VPS13B: variants seen among roughly 807,000 people sequenced by gnomAD.
VPS13B encodes the protein intermembrane lipid transfer protein VPS13B.
A neutral mutation model predicts 426.4 loss-of-function variants in VPS13B; 285 were observed. That is an observed-to-expected ratio of 0.67 (90% confidence interval 0.61 to 0.74). The LOEUF (loss-of-function observed/expected upper bound fraction) is 0.74. Ranked by LOEUF, VPS13B falls within the 30% of genes least tolerant of loss-of-function variation. The pLI, the probability that VPS13B is intolerant of heterozygous loss-of-function variation, is 0.00. For missense variants in VPS13B, 4,537 were observed against 4,782.6 expected (o/e 0.95, Z 1.51); for synonymous variants, 1,676 against 1,676.4 (o/e 1.00, Z 0.01).
intron 39 of VPS13B, among the ~76,000 whole-genome samples, chr8:99,750,444 T>G (rs573874668): frequency 9.8e-4 from 149 of 152,202 alleles, no homozygotes; most frequent in South Asian, 4.1e-3. Flanking sequence ...ATCTTTGATC[T>G]CCAGTGCCTA....
At chr8:99,511,737 A>C (rs1182800565) in intron 29 of VPS13B, among the ~76,000 whole-genome samples, 1 of 152,230 alleles carries the variant, frequency 6.6e-6, no homozygotes, top group Admixed American at 6.5e-5. Flanking sequence ...AAATTGAGGA[A>C]ATTTTTTCTT....
Position 99,756,899 on chromosome 8 carries a change from A to G in VPS13B, c.7051-9875A>G, listed in dbSNP as rs563796363. 3.5e-3 allele frequency among the ~76,000 whole-genome samples: 539 copies of G among 152,338 alleles called. 2 individuals carry two copies. Among genetic ancestry groups the G allele is most frequent in the Non-Finnish European group, 6.1e-3 (413 of 68,038 alleles). ...ATTATTAAAGAGCATAGGATTTACA[A>G]CCAGAAAGTTTGCCACTTACTAAAT... On this transcript the variant is annotated intron_variant, in intron 39 of 61. Transcript: ENST00000357162.
At chr8:99,852,609 T>A (rs1424402427) in intron 55 of VPS13B, among the ~76,000 whole-genome samples, 1 of 152,120 alleles carries the variant, frequency 6.6e-6, no homozygotes, top group Non-Finnish European at 1.5e-5. Context: ...AGTCCATCAT[T>A]TGATGTAGCC....
In VPS13B at chr8:99,087,349, G is replaced by A. The variant is rs185047613; in HGVS notation, c.292-8963G>A. Reference sequence around the variant, plus strand: ...GGAGTGACCTGATTTTCCAGGTGCCGTCTGTCACCCCTTTCTTTGACTAGG... The same window carrying A: ...GGAGTGACCTGATTTTCCAGGTGCCATCTGTCACCCCTTTCTTTGACTAGG... On this transcript the variant is annotated intron_variant, in intron 3 of 61. Coordinates refer to ENST00000357162, the MANE Select transcript of VPS13B (RefSeq NM_152564.5). 1.8e-3 allele frequency among the ~76,000 whole-genome samples: 275 copies of A among 152,200 alleles called. 1 individual carries two copies. The highest frequency in any genetic ancestry group is 6.2e-3 in the African/African-American group (258 of 41,542).
chr8:99,242,904 T>G (rs1817012052), intron 17 of VPS13B, among the ~76,000 whole-genome samples: 1 of 152,190 alleles, frequency 6.6e-6, no homozygotes, highest in Non-Finnish European at 1.5e-5. Flanking sequence ...CCTTTTTTTG[T>G]CATAAAAGGG....
chr8:99,563,948 A>G (rs992690429), intron 31 of VPS13B, among the ~76,000 whole-genome samples: 8 of 152,214 alleles, frequency 5.3e-5, no homozygotes, highest in African/African-American at 7.2e-5. Flanking sequence ...AATAGGTAAT[A>G]TAGATGAAAT....
Position 99,431,786 on chromosome 8 carries a change from T to C in VPS13B, c.3210+122T>C, listed in dbSNP as rs980893104. 4 of 1,061,134 alleles carry C rather than the reference T, an allele frequency of 3.8e-6. No individual in the cohort carries two copies. In the Admixed American group the frequency reaches 7.8e-5, roughly 21 times the overall value. 65.7% of individuals were successfully genotyped at this position (1,061,134 alleles called of 1,614,324 possible). A position where few individuals can be genotyped will look rare whatever the true frequency, so the allele number is the denominator to read the frequency against. On this transcript the variant is annotated intron_variant, in intron 22 of 61. Coordinates refer to ENST00000357162, the MANE Select transcript of VPS13B (RefSeq NM_152564.5). ...AATTATGTATACCATCTCATTTTCT[T>C]AATTTAGTTGAAAATAATTGGTGTA...
chr8:99,462,406 A>G (rs1360537725), intron 23 of VPS13B, among the ~76,000 whole-genome samples: 1 of 152,018 alleles, frequency 6.6e-6, no homozygotes, highest in Non-Finnish European at 1.5e-5. Flanking sequence ...TAACTTCTGG[A>G]TAACCACTCT....
At chr8:99,777,479 A>C (rs1387632501) in intron 41 of VPS13B, among the ~76,000 whole-genome samples, 1 of 152,064 alleles carries the variant, frequency 6.6e-6, no homozygotes, top group Non-Finnish European at 1.5e-5. Context: ...ATTCACTATC[A>C]CGAGAACAGT....
At chr8:99,451,771 C>T (rs1025432031) in intron 23 of VPS13B, among the ~76,000 whole-genome samples, 1 of 152,084 alleles carries the variant, frequency 6.6e-6, no homozygotes, top group Non-Finnish European at 1.5e-5. Context: ...TTATAGAATC[C>T]ACTCACAAAG....
chr8:99,224,578 TGAG>T (rs775711980), intron 17 of VPS13B, among the ~76,000 whole-genome samples: 9 of 152,130 alleles, frequency 5.9e-5, no homozygotes, highest in Non-Finnish European at 1.0e-4. Context: ...TGGGATTTGA[TGAG>T]GAGATGTATT....
At chr8:99,163,749 G>A (rs908149843) in intron 15 of VPS13B, among the ~76,000 whole-genome samples, 1 of 151,710 alleles carries the variant, frequency 6.6e-6, no homozygotes. Context: ...TGCAAGCGCC[G>A]CACACAGCCC....
chr8:99,423,949 A>G (rs1436770256), intron 21 of VPS13B, among the ~76,000 whole-genome samples: 1 of 152,100 alleles, frequency 6.6e-6, no homozygotes, highest in African/African-American at 2.4e-5. Context: ...GCTGAGTTCA[A>G]TTCCTGGATA....
chr8:99,691,717 T>C (rs1831674505), intron 35 of VPS13B, among the ~76,000 whole-genome samples: 1 of 148,150 alleles, frequency 6.7e-6, no homozygotes, highest in African/African-American at 2.5e-5. Flanking sequence ...GTAAATGGAC[T>C]AAATGCTCCA....
rs146144116 is a variant in VPS13B at position 99,601,354 on chromosome 8, A to G, written c.5220+23721A>G. Among the ~76,000 whole-genome samples the G allele has an allele frequency of 4.9e-3, 748 of 152,324 alleles. 6 individuals are homozygous for G. The highest frequency in any genetic ancestry group is 8.2e-3 in the Non-Finnish European group (560 of 68,036). On this transcript the variant is annotated intron_variant, in intron 33 of 61. Coordinates refer to ENST00000357162, the MANE Select transcript of VPS13B (RefSeq NM_152564.5). Reference sequence around the variant, plus strand: ...TCATCATTTTTTATGACTGCATAGTATTCCATGGTGTATATGTGCCACATT... The same window carrying G: ...TCATCATTTTTTATGACTGCATAGTGTTCCATGGTGTATATGTGCCACATT...
intron 55 of VPS13B, among the ~76,000 whole-genome samples, chr8:99,851,246 C>T (rs1448008844): frequency 1.3e-5 from 2 of 152,120 alleles, no homozygotes; most frequent in Admixed American, 6.6e-5. Flanking sequence ...TTCATTCATT[C>T]ATTCAACAAA....
intron 14 of VPS13B, among the ~76,000 whole-genome samples, chr8:99,154,804 T>G (rs1227837760): frequency 1.3e-5 from 2 of 152,160 alleles, no homozygotes; most frequent in Non-Finnish European, 2.9e-5. Flanking sequence ...GTATTCTGTC[T>G]GCTTGCCAAA....
intron 33 of VPS13B, among the ~76,000 whole-genome samples, chr8:99,618,181 T>C (rs1288091857): frequency 6.6e-6 from 1 of 152,066 alleles, no homozygotes; most frequent in Non-Finnish European, 1.5e-5. Context: ...CTAGCATGTT[T>C]CTTATATAAT....
intron 27 of VPS13B, among the ~76,000 whole-genome samples, chr8:99,504,341 T>C (rs761661266): frequency 2.0e-5 from 3 of 152,230 alleles, no homozygotes; most frequent in Non-Finnish European, 4.4e-5. Flanking sequence ...CTTTCCTTTA[T>C]AAATTACCCA....
Sources: allele counts gnomAD v4.1 joint callset (sites outside exome capture counted in the v4.1 genomes callset), GRCh38; gene constraint gnomAD v4.1.1; transcripts MANE v1.5; gene names NCBI Gene and HGNC (gene_info 2026-07-23, HGNC 2026-07-21).